Variants in FRMD5 observed in about 807,000 individuals in gnomAD.
The protein encoded by FRMD5 is FERM domain containing 5.
Under a neutral mutation model 69.0 loss-of-function variants are expected in FRMD5, and 20 were observed. That is an observed-to-expected ratio of 0.29 (90% CI 0.20 to 0.42). FRMD5 has a LOEUF of 0.42. Ranked by LOEUF, FRMD5 falls within the 10% of genes least tolerant of loss-of-function variation. The pLI, the probability that FRMD5 is intolerant of heterozygous loss-of-function variation, is 1.00. For missense variants in FRMD5, 595 were observed against 708.6 expected (o/e 0.84, Z 1.82); for synonymous variants, 271 against 260.1 (o/e 1.04, Z -0.40).
At chr15:43,885,378 G>A (rs1025578490) in intron 11 of FRMD5, among the ~76,000 whole-genome samples, 1 of 152,102 alleles carries the variant, frequency 6.6e-6, no homozygotes, top group Non-Finnish European at 1.5e-5. Flanking sequence ...GTTTCATCAT[G>A]TTGCCCAGGC....
chr15:44,065,437 A>C (rs1893268386), intron 1 of FRMD5, among the ~76,000 whole-genome samples: 1 of 152,212 alleles, frequency 6.6e-6, no homozygotes. Context: ...CCTGAAAGTT[A>C]ATAAAACAAA....
At chr15:44,036,790 G>A (rs775007345) in intron 1 of FRMD5, among the ~76,000 whole-genome samples, 4 of 152,128 alleles carry the variant, frequency 2.6e-5, no homozygotes, top group Non-Finnish European at 1.5e-5. Context: ...TCGGCCTTCA[G>A]TACAGTGGTA....
At chr15:44,041,765 T>G (rs1405479703) in intron 1 of FRMD5, among the ~76,000 whole-genome samples, 5 of 152,122 alleles carry the variant, frequency 3.3e-5, no homozygotes, top group South Asian at 2.1e-4. Flanking sequence ...AGAATCTCTG[T>G]GACACATTTA....
chr15:44,096,048 A>G (rs1012369094), intron 1 of FRMD5, among the ~76,000 whole-genome samples: 50 of 152,078 alleles, frequency 3.3e-4, no homozygotes, highest in African/African-American at 1.2e-3. Flanking sequence ...CTCTCCTAAA[A>G]ATACAAAATT....
intron 9 of FRMD5, 24 bp from the exon 10 acceptor site, chr15:43,888,290 T>A (rs752073399): frequency 2.7e-6 from 4 of 1,504,380 alleles, no homozygotes; most frequent in East Asian, 4.5e-5. Flanking sequence ...CACATTGATA[T>A]GGCTGAGTGT....
In FRMD5 at chr15:43,989,277, G is replaced by A. The variant is rs1440036081; in HGVS notation, c.103-64968C>T. On this transcript the variant is annotated intron_variant, in intron 1 of 13. Coordinates refer to ENST00000417257, the MANE Select transcript of FRMD5 (RefSeq NM_032892.5). ...TATCGGCGATGCCAGGGTACCTGGT[G>A]GTGCCGCCAGATAGCACTGTGTTGG... 4 of 785,912 alleles carry A rather than the reference G, an allele frequency of 5.1e-6. No homozygotes were observed. The Admixed American group carries it at 6.8e-5, about 13-fold the overall frequency. The allele number at this position is 785,912 out of a possible 1,614,324, so 48.7% of individuals were successfully genotyped here.
At chr15:44,166,783 CAAAAAAAAAAA>C (rs1006711939) in intron 1 of FRMD5, among the ~76,000 whole-genome samples, 3 of 53,016 alleles carry the variant, frequency 5.7e-5, no homozygotes, top group Non-Finnish European at 1.2e-4. Flanking sequence ...GACCCTATCT[CAAAAAAAAAAA>C]AAAAAAAAAA....
In FRMD5 at chr15:43,874,364, T is replaced by C. The variant is rs1163142159; in HGVS notation, c.1234A>G (p.Ser412Gly). ...LPHVRSSRTD[S>G]NERVAVIADE... is the part of the protein sequence containing the mutation. ...GCAATCACAGCTACTCGCTCATTGC[T>C]ATCTGTCCGGCTGCTTCTCACGTGA... Residue 412 changes from serine to glycine, a missense_variant, in exon 14 of 14, where the codon AGC (serine) becomes GGC (glycine). Ser to Gly is a moderately conservative substitution (Grantham distance 56). Transcript: ENST00000417257. The C allele has an allele frequency of 1.2e-6, 2 of 1,614,228 alleles. No homozygotes were observed.
chr15:44,024,746 A>G (rs993839283), intron 1 of FRMD5, among the ~76,000 whole-genome samples: 2 of 152,182 alleles, frequency 1.3e-5, no homozygotes, highest in African/African-American at 4.8e-5. Context: ...TGTTATTTTT[A>G]TCTTTGTTTA....
At chr15:44,145,262 C>T (rs559007394) in intron 1 of FRMD5, among the ~76,000 whole-genome samples, 1 of 152,220 alleles carries the variant, frequency 6.6e-6, no homozygotes, top group Admixed American at 6.5e-5. Flanking sequence ...TCATTTCAGT[C>T]CAAAATGGGA....
intron 4 of FRMD5, among the ~76,000 whole-genome samples, chr15:43,911,911 ACT>A (rs939170440): frequency 6.6e-6 from 1 of 152,068 alleles, no homozygotes; most frequent in African/African-American, 2.4e-5. Context: ...CTAGCAGGTA[ACT>A]CTGAGAGGCT....
At chr15:43,970,691 G>A (rs187523640) in intron 1 of FRMD5, among the ~76,000 whole-genome samples, 4 of 152,242 alleles carry the variant, frequency 2.6e-5, no homozygotes, top group East Asian at 3.9e-4. Context: ...TCCTGCCCTC[G>A]AGTGATATGC....
At chr15:44,085,575 A>AT (rs941615241) in intron 1 of FRMD5, among the ~76,000 whole-genome samples, 7 of 152,184 alleles carry the variant, frequency 4.6e-5, no homozygotes, top group Non-Finnish European at 1.5e-5. Context: ...AAGGAGCCAC[A>AT]TAGGGCAAGA....
At chr15:44,136,742 T>G (rs1212672605) in intron 1 of FRMD5, among the ~76,000 whole-genome samples, 2 of 152,200 alleles carry the variant, frequency 1.3e-5, no homozygotes, top group Non-Finnish European at 2.9e-5. Flanking sequence ...TTTTGCAATG[T>G]TATGGTTGAG....
At chr15:44,096,066 C>T (rs1276381453) in intron 1 of FRMD5, among the ~76,000 whole-genome samples, 4 of 151,710 alleles carry the variant, frequency 2.6e-5, no homozygotes, top group African/African-American at 9.7e-5. Context: ...ATTAGCTGGG[C>T]GTGGTGGTGC....
chr15:43,948,679 C>A (rs543135226), intron 1 of FRMD5, among the ~76,000 whole-genome samples: 1 of 152,232 alleles, frequency 6.6e-6, no homozygotes. Context: ...ATATAAGATA[C>A]CTTAAAGCCA....
In FRMD5 at chr15:44,139,727, C is replaced by CAAAAAA. The variant is rs71111842; in HGVS notation, c.102+55220_102+55225dup. On this transcript the variant is annotated intron_variant, in intron 1 of 13. Transcript: ENST00000417257. ...GCAATAAAGTGAGACCCAGTCTCTA[C>CAAAAAA]AAAAAAAAAAAAAAAAAAAAAAAAA... Among the ~76,000 whole-genome samples, 79 of 72,052 alleles carry CAAAAAA rather than the reference C, an allele frequency of 1.1e-3. 1 individual carries two copies. Among genetic ancestry groups the CAAAAAA allele is most frequent in the African/African-American group, 1.2e-3 (21 of 17,662 alleles). The allele number at this position is 72,052 out of a possible 152,430, so 47.3% of individuals were successfully genotyped here.
chr15:44,181,449 C>A (rs752162140), intron 1 of FRMD5, among the ~76,000 whole-genome samples: 6 of 152,118 alleles, frequency 3.9e-5, no homozygotes, highest in Non-Finnish European at 7.4e-5. Flanking sequence ...GTGGTAAAAT[C>A]TTACATAACT....
intron 1 of FRMD5, among the ~76,000 whole-genome samples, chr15:44,067,392 G>T (rs1487185287): frequency 6.6e-6 from 1 of 152,184 alleles, no homozygotes; most frequent in Non-Finnish European, 1.5e-5. Context: ...AAAATGTAAA[G>T]ACTTTTGTGC....
Sources: allele counts gnomAD v4.1 joint callset (sites outside exome capture counted in the v4.1 genomes callset), GRCh38; gene constraint gnomAD v4.1.1; transcripts MANE v1.5; gene names NCBI Gene and HGNC (gene_info 2026-07-23, HGNC 2026-07-21).